Variants in RNASEH2B observed in about 807,000 individuals in gnomAD.
RNASEH2B encodes the protein Aicardi-Goutieres syndrome 2 protein.
A neutral mutation model predicts 45.0 loss-of-function variants in RNASEH2B; 36 were observed. The observed-to-expected ratio is 0.80, with a 90% CI of 0.61 to 1.06. The LOEUF (loss-of-function observed/expected upper bound fraction) is 1.06, where lower values mean the gene tolerates loss of function less well. RNASEH2B is among the 50% of genes least tolerant of loss of function. The probability of loss-of-function intolerance (pLI) is 0.00; values close to 1 mark genes in which losing one functional copy is unlikely to be tolerated. For missense variants in RNASEH2B, 361 were observed against 360.3 expected (o/e 1.00, Z -0.02); for synonymous variants, 119 against 125.7 (o/e 0.95, Z 0.35).
At position 50,943,160 on chromosome 13, in the gene RNASEH2B, T is replaced by C. The variant is rs1951853662; in HGVS notation, c.437-161T>C. 4 of 596,258 alleles carry C rather than the reference T, an allele frequency of 6.7e-6. No individual in the cohort carries two copies. In the East Asian group the frequency reaches 1.2e-4, roughly 17 times the overall value. The allele number at this position is 596,258 out of a possible 1,614,324, so 36.9% of individuals were successfully genotyped here. On this transcript the variant is annotated intron_variant, in intron 5 of 10. Coordinates refer to ENST00000336617, the MANE Select transcript of RNASEH2B (RefSeq NM_024570.4). ...TGAGGTAGCCACATTACTACTAACA[T>C]TTAAAAAAACATTTCAAGTATGTTC...
At chr13:50,917,099 C>T (rs1284468088) in intron 1 of RNASEH2B, among the ~76,000 whole-genome samples, 1 of 152,216 alleles carries the variant, frequency 6.6e-6, no homozygotes, top group Non-Finnish European at 1.5e-5. Flanking sequence ...CTGACTGGTC[C>T]TGCTGTGGTC....
chr13:50,913,392 G>A (rs1213425015), intron 1 of RNASEH2B, among the ~76,000 whole-genome samples: 2 of 151,714 alleles, frequency 1.3e-5, no homozygotes, highest in Non-Finnish European at 2.9e-5. Context: ...GATTCATTGC[G>A]TTTAGAAGAC....
chr13:50,970,154 C>T (rs1304561518), exon 10 of RNASEH2B: 1 of 659,554 alleles, frequency 1.5e-6, no homozygotes, highest in Non-Finnish European at 2.7e-6. Context: ...CGGCATTCCT[C>T]CCTGGAGCAC....
chr13:50,956,185 A>C (rs1189663781), intron 10 of RNASEH2B, 173 bp from the exon 11 acceptor site: 1 of 583,750 alleles, frequency 1.7e-6, no homozygotes, highest in African/African-American at 1.9e-5. Flanking sequence ...TCTGTCTCTT[A>C]GGTCTGAATT....
chr13:50,966,456 A>C (rs1244149744), intron 9 of RNASEH2B, among the ~76,000 whole-genome samples: 6 of 152,058 alleles, frequency 3.9e-5, no homozygotes, highest in African/African-American at 9.6e-5. Flanking sequence ...ATTTCCACAA[A>C]CTGCAAAACC....
chr13:50,970,013 C>A, exon 10 of RNASEH2B: 2 of 1,533,384 alleles, frequency 1.3e-6, no homozygotes, highest in Non-Finnish European at 8.8e-7. Flanking sequence ...CAACTTCAGA[C>A]ACTCCCAGAG....
At chr13:50,910,943 A>G (rs1879350964) in intron 1 of RNASEH2B, 1 of 152,242 alleles carries the variant, frequency 6.6e-6, no homozygotes, top group Non-Finnish European at 1.5e-5. Flanking sequence ...GGCAGTAAAT[A>G]TACTCTGATA....
chr13:50,929,589 G>A lies in RNASEH2B; in HGVS notation c.244+7G>A, dbSNP rs1593458121. The A allele has an allele frequency of 2.0e-6, 3 of 1,536,764 alleles. No individual in the cohort carries two copies. The highest frequency in any genetic ancestry group is 2.7e-6 in the Non-Finnish European group (3 of 1,110,004). On this transcript the variant is annotated splice_region_variant and intron_variant, in intron 3 of 10. Transcript: ENST00000336617. ...AATCAATCAGTTCAATCAGGTAGGT[G>A]ACTAGTGTAAGCATTTCCAATAACT...
intron 9 of RNASEH2B, among the ~76,000 whole-genome samples, chr13:50,966,457 C>T (rs1158184439): frequency 6.6e-6 from 1 of 152,192 alleles, no homozygotes; most frequent in Non-Finnish European, 1.5e-5. Context: ...TTTCCACAAA[C>T]TGCAAAACCA....
At chr13:50,930,026 C>T in intron 3 of RNASEH2B, 2 of 250,352 alleles carry the variant, frequency 8.0e-6, no homozygotes, top group South Asian at 1.0e-4. Flanking sequence ...CCCACCTGCT[C>T]CCCCACCCCC....
rs777149786 is a variant in RNASEH2B at position 50,930,701 on chromosome 13, C to G, written c.263C>G (p.Ala88Gly). 4.3e-6 allele frequency: 7 copies of G among 1,613,398 alleles called. No homozygotes were observed. The East Asian group carries it at 1.6e-4, about 36-fold the overall frequency. ...TCTGCAGGAGGTCTTCTCCATTTTG[C>G]CACACCTGTGGATCCTCTATTTCTG... is the stretch of plus-strand genomic sequence containing the variant. Reference protein sequence around the residue: ...SVQSGGLLHFATPVDPLFLLL... With the variant: ...SVQSGGLLHFGTPVDPLFLLL... The change falls in exon 4 of 11, where the codon GCC (alanine) becomes GGC (glycine). Residue 88 changes from alanine (A) to glycine (G), a missense_variant. By Grantham distance (60) the Ala-to-Gly change is moderately conservative. Coordinates refer to ENST00000336617, the MANE Select transcript of RNASEH2B (RefSeq NM_024570.4).
At chr13:50,931,737 A>G (rs535668110) in intron 4 of RNASEH2B, among the ~76,000 whole-genome samples, 1 of 152,360 alleles carries the variant, frequency 6.6e-6, no homozygotes, top group East Asian at 1.9e-4. Context: ...TGCCTAAAAA[A>G]TCAACAAGTA....
intron 9 of RNASEH2B, among the ~76,000 whole-genome samples, chr13:50,969,319 G>GT (rs1952195875): frequency 6.6e-6 from 1 of 150,468 alleles, no homozygotes; most frequent in Admixed American, 6.6e-5. Flanking sequence ...GTTTTTTTTT[G>GT]TAACATATAG....
intron 3 of RNASEH2B, 134 bp from the exon 4 acceptor site, chr13:50,930,549 T>C: frequency 1.4e-6 from 1 of 740,284 alleles, no homozygotes; most frequent in Non-Finnish European, 2.4e-6. Context: ...CTCTGAGGCC[T>C]GTATAAGAAG....
intron 7 of RNASEH2B, among the ~76,000 whole-genome samples, chr13:50,947,699 A>G (rs1951921129): frequency 6.6e-6 from 1 of 152,002 alleles, no homozygotes; most frequent in African/African-American, 2.4e-5. Context: ...AGCAACCCTG[A>G]GTTTTTGTTT....
At chr13:50,919,199 G>C (rs1252573969) in intron 1 of RNASEH2B, among the ~76,000 whole-genome samples, 2 of 152,190 alleles carry the variant, frequency 1.3e-5, no homozygotes, top group Admixed American at 6.5e-5. Context: ...GAGCTGCCAA[G>C]TTTGAAAAAC....
At position 50,909,955 on chromosome 13, in the gene RNASEH2B, G is replaced by C; in HGVS notation, c.-122G>C. On this transcript the variant is annotated 5_prime_UTR_variant, in exon 1 of 11. Transcript: ENST00000336617. ...TCGGTCCCTGGGCCTCCTCCCGGGCGCTGCCGGTCCCTCAGCGCGCCGCGC... is the reference window on the plus strand; with the variant it reads ...TCGGTCCCTGGGCCTCCTCCCGGGCCCTGCCGGTCCCTCAGCGCGCCGCGC... The C allele has an allele frequency of 2.7e-6, 2 of 743,868 alleles. No homozygotes were observed. The highest frequency in any genetic ancestry group is 4.1e-5 in the South Asian group (2 of 48,698). 46.1% of individuals were successfully genotyped at this position (743,868 alleles called of 1,614,324 possible). A position where few individuals can be genotyped will look rare whatever the true frequency, so the allele number is the denominator to read the frequency against.
At chr13:50,917,794 G>T (rs1299425312) in intron 1 of RNASEH2B, among the ~76,000 whole-genome samples, 2 of 152,134 alleles carry the variant, frequency 1.3e-5, no homozygotes, top group South Asian at 2.1e-4. Flanking sequence ...ACCAGGAAAG[G>T]CTGGTCTCAA....
At chr13:50,947,425 A>G (rs548960838) in intron 7 of RNASEH2B, among the ~76,000 whole-genome samples, 25 of 120,640 alleles carry the variant, frequency 2.1e-4, no homozygotes, top group African/African-American at 3.0e-4. Context: ...GTGTGTGTGT[A>G]TGTAGAACTA....
Sources: allele counts gnomAD v4.1 joint callset (sites outside exome capture counted in the v4.1 genomes callset), GRCh38; gene constraint gnomAD v4.1.1; transcripts MANE v1.5; gene names NCBI Gene and HGNC (gene_info 2026-07-23, HGNC 2026-07-21).